LIMCH1: variants seen among roughly 807,000 people sequenced by gnomAD.
The protein encoded by LIMCH1 is LIM and calponin homology domains 1.
A neutral mutation model predicts 176.5 loss-of-function variants in LIMCH1; 113 were observed. That is an observed-to-expected ratio of 0.64 (90% CI 0.55 to 0.75). The LOEUF (loss-of-function observed/expected upper bound fraction) is 0.75, where lower values mean the gene tolerates loss of function less well. Among genes scored for constraint, LIMCH1 ranks in the 30% least tolerant of loss-of-function variants. The pLI is 0.00. For synonymous variants in LIMCH1, 619 were observed against 645.9 expected, an observed-to-expected ratio of 0.96 and a Z score of 0.63; for missense variants, 1,674 against 1,814.9, an observed-to-expected ratio of 0.92 and a Z score of 1.41.
At chr4:41,611,406 A>G (rs1292682409) in intron 4 of LIMCH1, among the ~76,000 whole-genome samples, 3 of 152,230 alleles carry the variant, frequency 2.0e-5, no homozygotes, top group East Asian at 1.9e-4. Flanking sequence ...ATCTAGTCAT[A>G]ATAGCATTTA....
At chr4:41,361,005 C>CGTG in intron 1 of LIMCH1, 1 of 1,193,980 alleles carries the variant, frequency 8.4e-7, no homozygotes, top group Non-Finnish European at 1.2e-6. Flanking sequence ...CACGCTCCGA[C>CGTG]CGCAGGTCCA....
upstream of LIMCH1, among the ~76,000 whole-genome samples, chr4:41,537,236 A>T (rs930610108): frequency 2.0e-5 from 3 of 152,236 alleles, no homozygotes; most frequent in African/African-American, 7.2e-5. Flanking sequence ...ATAAATGATG[A>T]ATTGGTTGTA....
intron 21 of LIMCH1, among the ~76,000 whole-genome samples, chr4:41,670,358 C>T (rs2094971095): frequency 1.3e-5 from 2 of 152,126 alleles, no homozygotes; most frequent in Non-Finnish European, 2.9e-5. Context: ...GCCTTTTATA[C>T]TTTTCTAGTG....
chr4:41,648,399 G>A (rs575474137), intron 17 of LIMCH1, among the ~76,000 whole-genome samples: 17 of 152,222 alleles, frequency 1.1e-4, no homozygotes, highest in Admixed American at 1.0e-3. Context: ...GTGGTATGGC[G>A]GCCTCAGGAA....
intron 1 of LIMCH1, among the ~76,000 whole-genome samples, chr4:41,486,616 T>C (rs1484457057): frequency 6.6e-6 from 1 of 152,158 alleles, no homozygotes; most frequent in East Asian, 1.9e-4. Context: ...GTCTTCCCTC[T>C]GTGGTTCTGA....
chr4:41,535,151 G>A (rs1444836065), upstream of LIMCH1, among the ~76,000 whole-genome samples: 3 of 135,078 alleles, frequency 2.2e-5, no homozygotes, highest in African/African-American at 8.9e-5. Context: ...GATGGGAGTC[G>A]GACCCTGTCA....
rs1031826584 is a variant in LIMCH1, at chr4:41,572,605, G to A, written c.-240-26315G>A. ...ATGAGTAATGGTCAAGGAAAATAACGTGAAACAGATTCTCTCATAAGCTTG... is the reference window on the plus strand; with the variant it reads ...ATGAGTAATGGTCAAGGAAAATAACATGAAACAGATTCTCTCATAAGCTTG... On this transcript the variant is annotated intron_variant, in intron 1 of 31. Coordinates refer to ENST00000503057, the MANE Select transcript of LIMCH1 (RefSeq NM_001330672.2). 2.0e-5 allele frequency among the ~76,000 whole-genome samples: 3 copies of A among 152,162 alleles called. No individual in the cohort carries two copies. In the South Asian group the frequency reaches 6.2e-4, roughly 32 times the overall value.
At chr4:41,403,317 A>G (rs1319741898) in intron 1 of LIMCH1, among the ~76,000 whole-genome samples, 3 of 152,160 alleles carry the variant, frequency 2.0e-5, no homozygotes, top group Non-Finnish European at 2.9e-5. Context: ...ACGGTGGTTC[A>G]CAACTGTAAT....
rs6845971 is a variant in LIMCH1, at chr4:41,525,077, A to C, written c.237+599A>C. The stretch of plus-strand genomic sequence containing the variant: ...ATGTTCATATGTGGTTAGAAGCAGA[A>C]TATTTTTTTCATGCGTTGATATGTC... On this transcript the variant is annotated intron_variant, in intron 3 of 26. Coordinates refer to the LIMCH1 transcript ENST00000313860. Among the ~76,000 whole-genome samples, 1,023 of 152,332 alleles carry C rather than the reference A, an allele frequency of 6.7e-3. 13 individuals carry two copies. The highest frequency in any genetic ancestry group is 0.023 in the African/African-American group (967 of 41,578).
In LIMCH1 at chr4:41,597,512, G is replaced by A. The variant is rs559333757; in HGVS notation, c.-240-1408G>A. ...AATGGTTATCTCTCATTTTCTGAAT[G>A]TCAGCAGTCTGGACATGGTGTAACT... On this transcript the variant is annotated intron_variant, in intron 1 of 31. Coordinates refer to ENST00000503057, the MANE Select transcript of LIMCH1 (RefSeq NM_001330672.2). Among the ~76,000 whole-genome samples, 41 of 152,258 alleles carry A rather than the reference G, an allele frequency of 2.7e-4. 1 individual carries two copies. The South Asian group carries it at 8.3e-3, about 31-fold the overall frequency.
intron 1 of LIMCH1, among the ~76,000 whole-genome samples, chr4:41,560,737 G>A (rs1259110654): frequency 6.6e-6 from 1 of 151,140 alleles, no homozygotes; most frequent in Admixed American, 6.6e-5. Flanking sequence ...AAAATAAATC[G>A]GTCAGGCATG....
chr4:41,670,253 TTATACG>T (rs2094967119), intron 21 of LIMCH1, among the ~76,000 whole-genome samples: 2 of 152,196 alleles, frequency 1.3e-5, no homozygotes, highest in Non-Finnish European at 2.9e-5. Context: ...CAACCTTTAT[TTATACG>T]TACAAAAAAC....
chr4:41,539,101 A>C lies in LIMCH1; in HGVS notation c.-241+751A>C, dbSNP rs114381187. On this transcript the variant is annotated intron_variant, in intron 1 of 31. Coordinates refer to ENST00000503057, the MANE Select transcript of LIMCH1 (RefSeq NM_001330672.2). ...CCAAATTTATGAGGCTGGGTTGAAA[A>C]TCAGGTTGAAACAGAGCCTGGCGAA... is the stretch of plus-strand genomic sequence containing the variant. Among the ~76,000 whole-genome samples the C allele has an allele frequency of 8.5e-3, 1,296 of 152,264 alleles. 23 individuals are homozygous for C. The highest frequency in any genetic ancestry group is 0.03 in the African/African-American group (1,232 of 41,532).
intron 1 of LIMCH1, among the ~76,000 whole-genome samples, chr4:41,549,409 C>T (rs1017213917): frequency 1.3e-5 from 2 of 152,192 alleles, no homozygotes; most frequent in Non-Finnish European, 2.9e-5. Flanking sequence ...TGGGTATGCA[C>T]TCGGTGAGGG....
chr4:41,683,719 G>T (rs887856926), intron 26 of LIMCH1, among the ~76,000 whole-genome samples: 1 of 152,158 alleles, frequency 6.6e-6, no homozygotes, highest in African/African-American at 2.4e-5. Context: ...GGTGCTCAGG[G>T]CTATGTCCAG....
intron 31 of LIMCH1, chr4:41,693,256 C>CT (rs1197305483): frequency 1.3e-5 from 2 of 152,182 alleles, no homozygotes; most frequent in African/African-American, 2.4e-5. Flanking sequence ...TCAAGAATGA[C>CT]TATTTCTCAA....
intron 1 of LIMCH1, among the ~76,000 whole-genome samples, chr4:41,436,703 T>C (rs28417947): frequency 0.25 from 37,863 of 151,966 alleles, 6,330 homozygotes; most frequent in African/African-American, 0.47. Context: ...CTTTGGTCCT[T>C]CCCAAGGAGC....
chr4:41,554,065 T>C (rs539618357), intron 1 of LIMCH1, among the ~76,000 whole-genome samples: 2 of 152,314 alleles, frequency 1.3e-5, no homozygotes, highest in East Asian at 3.9e-4. Flanking sequence ...GCTTCAATCC[T>C]TATAAAACTA....
chr4:41,531,857 G>T (rs1250217203), intron 3 of LIMCH1, among the ~76,000 whole-genome samples: 1 of 152,116 alleles, frequency 6.6e-6, no homozygotes, highest in Non-Finnish European at 1.5e-5. Context: ...GTCTCCAGGG[G>T]TCGTCCTCCC....
Sources: allele counts gnomAD v4.1 joint callset (sites outside exome capture counted in the v4.1 genomes callset), GRCh38; gene constraint gnomAD v4.1.1; transcripts MANE v1.5; gene names NCBI Gene and HGNC (gene_info 2026-07-23, HGNC 2026-07-21).